The following TOX2 variants were observed in gnomAD, a reference collection of about 807,000 sequenced individuals.
TOX2 encodes the protein TOX high mobility group box family member 2.
TOX2 carries 15 observed loss-of-function variants against 47.4 expected under a neutral mutation model. That is an observed-to-expected ratio of 0.32 (90% CI 0.21 to 0.49). The LOEUF is 0.49. TOX2 is among the 20% of genes least tolerant of loss of function. The pLI is 0.99. For synonymous variants in TOX2, 290 were observed against 296.6 expected, an observed-to-expected ratio of 0.98 and a Z score of 0.23; for missense variants, 622 against 673.1, an observed-to-expected ratio of 0.92 and a Z score of 0.84.
chr20:43,976,244 T>TG (rs1182357065), intron 2 of TOX2, among the ~76,000 whole-genome samples: 3 of 152,216 alleles, frequency 2.0e-5, no homozygotes, highest in Admixed American at 1.3e-4. Flanking sequence ...TTCAGTTGGG[T>TG]GGTTCTTCTG....
At chr20:44,040,639 G>A (rs1054199795) in intron 3 of TOX2, among the ~76,000 whole-genome samples, 1 of 152,178 alleles carries the variant, frequency 6.6e-6, no homozygotes, top group African/African-American at 2.4e-5. Flanking sequence ...AGTGGACATG[G>A]TCAGCACAGT....
chr20:44,020,432 G>A (rs550878053), intron 3 of TOX2, among the ~76,000 whole-genome samples: 8 of 152,272 alleles, frequency 5.3e-5, no homozygotes, highest in African/African-American at 1.9e-4. Context: ...AAACCTGCAC[G>A]TTCTGCACAT....
chr20:43,958,876 C>T (rs2069711652), intron 1 of TOX2, among the ~76,000 whole-genome samples: 1 of 152,244 alleles, frequency 6.6e-6, no homozygotes, highest in Non-Finnish European at 1.5e-5. Context: ...TAAAGCCCTC[C>T]CAGCCCTGAG....
intron 1 of TOX2, among the ~76,000 whole-genome samples, chr20:43,968,070 A>C (rs2069891187): frequency 6.6e-6 from 1 of 152,038 alleles, no homozygotes; most frequent in Non-Finnish European, 1.5e-5. Flanking sequence ...ACAATCCCTC[A>C]CCCATCTATT....
intron 1 of TOX2, among the ~76,000 whole-genome samples, chr20:43,924,869 CCCTT>C (rs1234318603): frequency 6.6e-6 from 1 of 152,262 alleles, no homozygotes; most frequent in Non-Finnish European, 1.5e-5. Flanking sequence ...CTGTCCCTCT[CCCTT>C]CTCCACACAC....
At chr20:43,975,920 G>A (rs2070070291) in intron 2 of TOX2, among the ~76,000 whole-genome samples, 1 of 151,980 alleles carries the variant, frequency 6.6e-6, no homozygotes, top group Admixed American at 6.6e-5. Context: ...GCTCTTCTCT[G>A]AACTTCAATG....
At chr20:44,002,174 C>T (rs1449729266) in intron 2 of TOX2, among the ~76,000 whole-genome samples, 1 of 152,220 alleles carries the variant, frequency 6.6e-6, no homozygotes, top group Non-Finnish European at 1.5e-5. Context: ...GCCTTCCCAA[C>T]CCCTCTGCCC....
intron 2 of TOX2, among the ~76,000 whole-genome samples, chr20:43,989,246 C>T (rs375387772): frequency 3.9e-5 from 6 of 152,306 alleles, no homozygotes; most frequent in East Asian, 1.9e-4. Flanking sequence ...CCAAGCACTG[C>T]AAGCAATTAG....
chr20:43,982,199 G>C (rs1173248272), intron 2 of TOX2, among the ~76,000 whole-genome samples: 1 of 152,130 alleles, frequency 6.6e-6, no homozygotes, highest in Non-Finnish European at 1.5e-5. Flanking sequence ...TGCACCTGAA[G>C]GTGTCAGTCT....
At chr20:44,004,061 G>C (rs2070634990) in intron 2 of TOX2, among the ~76,000 whole-genome samples, 2 of 152,220 alleles carry the variant, frequency 1.3e-5, no homozygotes, top group South Asian at 2.1e-4. Context: ...GAAAGAAACA[G>C]ATTTTAAAGA....
chr20:43,998,233 T>A (rs1218214725), intron 2 of TOX2, among the ~76,000 whole-genome samples: 3 of 152,210 alleles, frequency 2.0e-5, no homozygotes, highest in African/African-American at 7.2e-5. Context: ...GCCCCCATGA[T>A]CCAATCACCT....
intron 3 of TOX2, among the ~76,000 whole-genome samples, chr20:44,037,585 G>A (rs917164069): frequency 6.6e-6 from 1 of 152,154 alleles, no homozygotes; most frequent in African/African-American, 2.4e-5. Context: ...TTGTCAAATG[G>A]GGGTGATAAG....
At position 44,006,777 on chromosome 20, in the gene TOX2, G is replaced by A. The variant is rs1291241720; in HGVS notation, c.396G>A (p.Ser132=). The A allele has an allele frequency of 9.9e-6, 16 of 1,613,402 alleles. No individual in the cohort carries two copies. The South Asian group carries it at 1.2e-4, about 12-fold the overall frequency. The part of the protein sequence containing the change: ...NMLAQDSHLL[S]GQLPTIQEMV... ...TAGCACAGGACAGCCACCTGCTGTC[G>A]GGCCAGCTGCCCACGGTGAGTCCCT... The change falls in exon 3 of 9, where the codon TCG becomes TCA. Residue 132 remains serine (S), a synonymous_variant. Coordinates refer to ENST00000341197, the MANE Select transcript of TOX2 (RefSeq NM_001098797.2).
At chr20:44,065,290 G>A (rs529275027) in intron 6 of TOX2, among the ~76,000 whole-genome samples, 49 of 152,318 alleles carry the variant, frequency 3.2e-4, no homozygotes, top group African/African-American at 8.2e-4. Context: ...CTGCGGATGC[G>A]TGGCCCAAGT....
chr20:44,064,998 G>A, intron 6 of TOX2, 141 bp downstream of exon 6: 1 of 700,810 alleles, frequency 1.4e-6, no homozygotes. Context: ...ATGTCTGCAG[G>A]GCACCTACAG....
rs146711051 is a variant in TOX2 at position 44,008,141 on chromosome 20, C to T, written c.411+1349C>T. ...CCATGCTTGGGAATAGCATGTGGTT[C>T]ATGCTTTTTATTGGGCTGGAGAGGA... On this transcript the variant is annotated intron_variant, in intron 3 of 8. Transcript: ENST00000341197. Among the ~76,000 whole-genome samples the T allele has an allele frequency of 3.6e-3, 552 of 152,128 alleles. 8 individuals are homozygous for T. The highest frequency in any genetic ancestry group is 5.4e-3 in the Non-Finnish European group (364 of 68,004).
chr20:43,973,518 A>G (rs2070015774), intron 2 of TOX2, 86 bp downstream of exon 2: 3 of 1,201,696 alleles, frequency 2.5e-6, no homozygotes, highest in Non-Finnish European at 3.7e-6. Flanking sequence ...TAGGGGGTGC[A>G]GAATGGGGCC....
intron 3 of TOX2, among the ~76,000 whole-genome samples, chr20:44,048,414 G>GAATTTATATATA (rs2071452436): frequency 8.4e-6 from 1 of 118,374 alleles, no homozygotes; most frequent in East Asian, 2.2e-4. Flanking sequence ...ATATATATAT[G>GAATTTATATATA]TATAATTTAC....
chr20:44,026,228 G>GATATGTATATATATAT (rs2071059958), intron 3 of TOX2, among the ~76,000 whole-genome samples: 1 of 60,244 alleles, frequency 1.7e-5, no homozygotes. Context: ...AAGAAACTGT[G>GATATGTATATATATAT]ATATATATAT....
Sources: gnomAD v4.1 joint callset for allele counts (sites outside exome capture counted in the v4.1 genomes callset) on GRCh38, gnomAD v4.1.1 for gene constraint, MANE v1.5 for transcripts, NCBI Gene and HGNC (gene_info 2026-07-23, HGNC 2026-07-21) for gene names.